Variants in OGFRL1 observed in about 807,000 individuals in gnomAD.
OGFRL1 encodes the protein opioid growth factor receptor like 1.
Under a neutral mutation model 32.4 loss-of-function variants are expected in OGFRL1, and 26 were observed. That is an observed-to-expected ratio of 0.80 (90% confidence interval 0.59 to 1.11). The LOEUF (loss-of-function observed/expected upper bound fraction) is 1.11, where lower values mean the gene tolerates loss of function less well. OGFRL1 is among the 50% of genes most tolerant of loss of function. The pLI, the probability that OGFRL1 is intolerant of heterozygous loss-of-function variation, is 0.00. For missense variants in OGFRL1, 521 were observed against 546.4 expected (o/e 0.95, Z 0.46); for synonymous variants, 211 against 201.2 (o/e 1.05, Z -0.41).
Position 71,308,978 on chromosome 6 carries a change from A to G in OGFRL1, c.*6929A>G, listed in dbSNP as rs1766636449. The G allele has an allele frequency of 6.6e-6, 1 of 152,280 alleles. No homozygotes were observed. Among genetic ancestry groups the G allele is most frequent in the Non-Finnish European group, 1.5e-5 (1 of 68,000 alleles). The allele number at this position is 152,280 out of a possible 1,614,324, so 9.4% of individuals were successfully genotyped here. A position where few individuals can be genotyped will look rare whatever the true frequency, so the allele number is the denominator to read the frequency against. ...ACTTGCTGTTTTCCTGTCATTAAGC[A>G]TGTATTTTTTATGATTAACACATAA... On this transcript the variant is annotated 3_prime_UTR_variant, in exon 7 of 7. Transcript: ENST00000370435.
intron 3 of OGFRL1, among the ~76,000 whole-genome samples, chr6:71,294,809 G>T (rs1766153240): frequency 6.6e-6 from 1 of 152,110 alleles, no homozygotes; most frequent in Non-Finnish European, 1.5e-5. Flanking sequence ...TTGAAGAAAT[G>T]CAATGATAGA....
intron 3 of OGFRL1, among the ~76,000 whole-genome samples, chr6:71,293,909 C>T (rs1766127145): frequency 6.6e-6 from 1 of 152,172 alleles, no homozygotes. Context: ...TTTCTCATCT[C>T]AAAGATTAGG....
rs1158988760 is a variant in OGFRL1 at position 71,304,975 on chromosome 6, T to C, written c.*2926T>C. The C allele has an allele frequency of 3.3e-5, 5 of 152,042 alleles. No homozygotes were observed. Among genetic ancestry groups the C allele is most frequent in the African/African-American group, 1.2e-4 (5 of 41,454 alleles). 9.4% of individuals were successfully genotyped at this position (152,042 alleles called of 1,614,324 possible). A position where few individuals can be genotyped will look rare whatever the true frequency, so the allele number is the denominator to read the frequency against. On this transcript the variant is annotated 3_prime_UTR_variant, in exon 7 of 7. Coordinates refer to ENST00000370435, the MANE Select transcript of OGFRL1 (RefSeq NM_024576.5). The stretch of plus-strand genomic sequence containing the variant: ...AATAAGATCTATAGATATGTATTTA[T>C]GTGTGTCTTATATATGAAACAGTGC...
Position 71,290,427 on chromosome 6 carries a change from A to G in OGFRL1, c.234+1257A>G, listed in dbSNP as rs570147670. On this transcript the variant is annotated intron_variant, in intron 1 of 6. Transcript: ENST00000370435. ...GTTTTTCCCTTACGTTTGTCTCCCA[A>G]TTAAGTAACCTCCTACAGAAATTTG... 2.0e-5 allele frequency among the ~76,000 whole-genome samples: 3 copies of G among 152,274 alleles called. No homozygotes were observed. In the South Asian group the frequency reaches 6.2e-4, roughly 32 times the overall value.
rs1453013978 is a variant in OGFRL1, at chr6:71,301,374, C to A, written c.693-12C>A. ...ATTTCCCCCACTCATTTTATTCAAT[C>A]CTCTCTTCCAGGTCCCAGCACAACT... On this transcript the variant is annotated splice_polypyrimidine_tract_variant and intron_variant, in intron 6 of 6. Transcript: ENST00000370435. 4 of 1,541,174 alleles carry A rather than the reference C, an allele frequency of 2.6e-6. No individual in the cohort carries two copies. The highest frequency in any genetic ancestry group is 3.5e-6 in the Non-Finnish European group (4 of 1,147,086).
chr6:71,290,016 A>G (rs117317093), intron 1 of OGFRL1, among the ~76,000 whole-genome samples: 5,851 of 152,316 alleles, frequency 0.038, 126 homozygotes, highest in South Asian at 0.096. Flanking sequence ...ATGTGACCAC[A>G]GGGTTTTGGG....
At chr6:71,297,633 T>C (rs1224099878) in intron 6 of OGFRL1, among the ~76,000 whole-genome samples, 2 of 152,068 alleles carry the variant, frequency 1.3e-5, no homozygotes, top group African/African-American at 4.8e-5. Flanking sequence ...AAGCATATTA[T>C]AATTAGCTAA....
rs1246453519 is a variant in OGFRL1, at chr6:71,289,339, G to A, written c.234+169G>A. The A allele has an allele frequency of 8.3e-6, 8 of 968,596 alleles. No individual in the cohort carries two copies. The East Asian group carries it at 3.4e-4, about 41-fold the overall frequency. The allele number at this position is 968,596 out of a possible 1,614,324, so 60.0% of individuals were successfully genotyped here. Reference sequence around the variant, plus strand: ...TGACCTGTCTCCCGGTGGAGCCCGGGGGCCTGCAGGAGCCCAAAGCGCCGG... The same window carrying A: ...TGACCTGTCTCCCGGTGGAGCCCGGAGGCCTGCAGGAGCCCAAAGCGCCGG... On this transcript the variant is annotated intron_variant, in intron 1 of 6. Transcript: ENST00000370435.
At chr6:71,299,644 T>C (rs992412362) in intron 6 of OGFRL1, among the ~76,000 whole-genome samples, 1 of 152,192 alleles carries the variant, frequency 6.6e-6, no homozygotes, top group African/African-American at 2.4e-5. Context: ...TTCTCATAGA[T>C]ATATGAGGCA....
Position 71,301,375 on chromosome 6 carries a change from C to A in OGFRL1, c.693-11C>A. Reference sequence around the variant, plus strand: ...TTTCCCCCACTCATTTTATTCAATCCTCTCTTCCAGGTCCCAGCACAACTA... The same window carrying A: ...TTTCCCCCACTCATTTTATTCAATCATCTCTTCCAGGTCCCAGCACAACTA... On this transcript the variant is annotated splice_polypyrimidine_tract_variant and intron_variant, in intron 6 of 6. Coordinates refer to ENST00000370435, the MANE Select transcript of OGFRL1 (RefSeq NM_024576.5). 6.5e-7 allele frequency: 1 copy of A among 1,541,900 alleles called. No homozygotes were observed. Among genetic ancestry groups the A allele is most frequent in the Non-Finnish European group, 8.7e-7 (1 of 1,147,348 alleles).
chr6:71,295,848 T>G (rs1766188522), intron 3 of OGFRL1: 1 of 152,326 alleles, frequency 6.6e-6, no homozygotes, highest in Non-Finnish European at 1.5e-5. Context: ...AATTTAGCAT[T>G]TAAAGAACTA....
chr6:71,306,123 C>A lies in OGFRL1; in HGVS notation c.*4074C>A. 1 of 152,088 alleles carries A rather than the reference C, an allele frequency of 6.6e-6. No homozygotes were observed. Among genetic ancestry groups the A allele is most frequent in the South Asian group, 2.1e-4 (1 of 4,822 alleles). 9.4% of individuals were successfully genotyped at this position (152,088 alleles called of 1,614,324 possible). A position where few individuals can be genotyped will look rare whatever the true frequency, so the allele number is the denominator to read the frequency against. The stretch of plus-strand genomic sequence containing the variant: ...TATTTTGTTTTCCACTTAGGAAATT[C>A]CCCTCTCTCATTTGGGGTATATGCG... On this transcript the variant is annotated 3_prime_UTR_variant, in exon 7 of 7. Coordinates refer to ENST00000370435, the MANE Select transcript of OGFRL1 (RefSeq NM_024576.5).
intron 3 of OGFRL1, 121 bp from the exon 4 acceptor site, chr6:71,296,196 A>G (rs1314367305): frequency 6.1e-6 from 4 of 659,284 alleles, no homozygotes; most frequent in East Asian, 2.7e-5. Context: ...TAAAAGCACT[A>G]TTCTTGTGTG....
At chr6:71,289,416 C>T (rs1196610671) in intron 1 of OGFRL1, 1 of 985,030 alleles carries the variant, frequency 1.0e-6, no homozygotes, top group Non-Finnish European at 1.2e-6. Flanking sequence ...GAGGAAGTCC[C>T]TCAAGGCAGA....
intron 1 of OGFRL1, among the ~76,000 whole-genome samples, chr6:71,290,059 G>A (rs930894654): frequency 2.0e-5 from 3 of 152,142 alleles, no homozygotes; most frequent in African/African-American, 7.2e-5. Context: ...AGCTAACACC[G>A]CCTCAGCCAT....
At chr6:71,296,207 C>A in intron 3 of OGFRL1, 110 bp from the exon 4 acceptor site, 2 of 687,980 alleles carry the variant, frequency 2.9e-6, no homozygotes, top group South Asian at 1.9e-5. Context: ...TTCTTGTGTG[C>A]TATTATTAAA....
In OGFRL1 at chr6:71,302,446, CT is replaced by C. The variant is rs1766427778; in HGVS notation, c.*398del. 1 of 153,846 alleles carries C rather than the reference CT, an allele frequency of 6.5e-6. No homozygotes were observed. Among genetic ancestry groups the C allele is most frequent in the Non-Finnish European group, 1.4e-5 (1 of 69,306 alleles). 9.5% of individuals were successfully genotyped at this position (153,846 alleles called of 1,614,324 possible). On this transcript the variant is annotated 3_prime_UTR_variant, in exon 7 of 7. Transcript: ENST00000370435. Reference sequence around the variant, plus strand: ...TTTCATTGGATTGCTACACTTTTACCTGATTTATGGCTTTATTTTACTTTAT... The same window carrying C: ...TTTCATTGGATTGCTACACTTTTACCGATTTATGGCTTTATTTTACTTTAT...
Position 71,289,212 on chromosome 6 carries a change from C to T in OGFRL1, c.234+42C>T, listed in dbSNP as rs1765960135. On this transcript the variant is annotated intron_variant, in intron 1 of 6. Coordinates refer to ENST00000370435, the MANE Select transcript of OGFRL1 (RefSeq NM_024576.5). ...TGGCCTCGGGTCGGGCTGGGGCGCC[C>T]CGACACCCCAGAGGGGCAAGTGCCA... 3.8e-6 allele frequency: 4 copies of T among 1,052,190 alleles called. No homozygotes were observed. The East Asian group carries it at 3.3e-4, about 87-fold the overall frequency. 65.2% of individuals were successfully genotyped at this position (1,052,190 alleles called of 1,614,324 possible). A position where few individuals can be genotyped will look rare whatever the true frequency, so the allele number is the denominator to read the frequency against.
rs1255140656 is a variant in OGFRL1 at position 71,289,133 on chromosome 6, C to G, written c.197C>G (p.Ala66Gly). ...QAGGRPGASPAPDEDAEAAGA... is the reference protein window; with the variant it reads ...QAGGRPGASPGPDEDAEAAGA... ...GGCGGGCGGCCCGGCGCCAGCCCCG[C>G]GCCGGACGAGGACGCCGAGGCGGCG... The change falls in exon 1 of 7, where the codon GCG becomes GGG. Residue 66 changes from alanine (A) to glycine (G), a missense_variant. Transcript: ENST00000370435. The G allele has an allele frequency of 6.3e-6, 7 of 1,105,194 alleles. No homozygotes were observed. The highest frequency in any genetic ancestry group is 7.7e-6 in the Non-Finnish European group (7 of 909,116). The allele number at this position is 1,105,194 out of a possible 1,614,324, so 68.5% of individuals were successfully genotyped here.
Sources: allele counts gnomAD v4.1 joint callset (sites outside exome capture counted in the v4.1 genomes callset), GRCh38; gene constraint gnomAD v4.1.1; transcripts MANE v1.5; gene names NCBI Gene and HGNC (gene_info 2026-07-23, HGNC 2026-07-21).